Variants in EEF1A1 observed in about 807,000 individuals in gnomAD.
The protein encoded by EEF1A1 is elongation factor 1-alpha 1.
In EEF1A1, 1 loss-of-function variant was observed where a neutral mutation model predicts 38.5. The observed-to-expected ratio is 0.03, with a 90% CI of 0.01 to 0.12. The LOEUF is 0.12. Ranked by LOEUF, EEF1A1 falls within the 10% of genes least tolerant of loss-of-function variation. The pLI is 1.00. For missense variants in EEF1A1, 184 were observed against 588.3 expected, an observed-to-expected ratio of 0.31 and a Z score of 7.11; for synonymous variants, 229 against 203.7, an observed-to-expected ratio of 1.12 and a Z score of -1.06.
Position 73,518,777 on chromosome 6 carries a change from A to C in EEF1A1, c.693T>G (p.Ala231=). The change falls in exon 5 of 8, where the codon GCT becomes GCG. Residue 231 remains alanine, a synonymous_variant. Transcript: ENST00000309268. ...GNASGTTLLE[A]LDCILPPTRP... ...GAGTTGGTGGTAGGATGCAGTCCAG[A>C]GCCTCAAGCAGCGTGGTTCCACTGG... 6.2e-7 allele frequency: 1 copy of C among 1,614,198 alleles called. No individual in the cohort carries two copies. The highest frequency in any genetic ancestry group is 8.5e-7 in the Non-Finnish European group (1 of 1,180,042).
At position 73,517,259 on chromosome 6, in the gene EEF1A1, C is replaced by CA. The variant is rs137968211; in HGVS notation, c.*550dup. On this transcript the variant is annotated 3_prime_UTR_variant, in exon 8 of 8. Coordinates refer to ENST00000309268, the MANE Select transcript of EEF1A1 (RefSeq NM_001402.6). ...AAGCTTTCTATGCAACACAAGGACT[C>CA]AGTTTTTGGCCTGTTTTAGTGACAG... 7,187 of 152,144 alleles carry CA rather than the reference C, an allele frequency of 0.047. 394 individuals carry two copies. Among genetic ancestry groups the CA allele is most frequent in the Admixed American group, 0.16 (2,502 of 15,268 alleles). The allele number at this position is 152,144 out of a possible 1,614,324, so 9.4% of individuals were successfully genotyped here.
rs764218393 is a variant in EEF1A1 at position 73,517,902 on chromosome 6, C to T, written c.1297G>A (p.Val433Ile). 1 of 1,613,204 alleles carries T rather than the reference C, an allele frequency of 6.2e-7. No homozygotes were observed. Among genetic ancestry groups the T allele is most frequent in the Non-Finnish European group, 8.5e-7 (1 of 1,179,810 alleles). Residue 433 changes from valine (V) to isoleucine (I), a missense_variant, in exon 8 of 8, where the codon GTT becomes ATT. This residue lies in a region of EEF1A1 where 81 missense variants were observed against 286.3 expected (regional missense o/e 0.28). Coordinates refer to ENST00000309268, the MANE Select transcript of EEF1A1 (RefSeq NM_001402.6). ...ACTGCTTTGATGACACCCACCGCAA[C>T]TGTCTGTCTCATATCACGAACAGCA... Reference protein sequence around the residue: ...RFAVRDMRQTVAVGVIKAVDK... With the variant: ...RFAVRDMRQTIAVGVIKAVDK...
Position 73,518,860 on chromosome 6 carries a change from G to A in EEF1A1, c.622-12C>T, listed in dbSNP as rs763482096. ...TTGAACCAAGGCATCTGAAACACAA[G>A]CATGCCAATTTGTGTAAGCATGAAA... On this transcript the variant is annotated splice_polypyrimidine_tract_variant and intron_variant, in intron 4 of 7. Coordinates refer to ENST00000309268, the MANE Select transcript of EEF1A1 (RefSeq NM_001402.6). 2.5e-6 allele frequency: 4 copies of A among 1,613,086 alleles called. No homozygotes were observed. Among genetic ancestry groups the A allele is most frequent in the Non-Finnish European group, 3.4e-6 (4 of 1,179,136 alleles).
At chr6:73,520,270 G>A in intron 1 of EEF1A1, 1 of 453,102 alleles carries the variant, frequency 2.2e-6, no homozygotes, top group South Asian at 2.9e-5. Flanking sequence ...AGAACTAATC[G>A]AGGTGCCTGG....
chr6:73,520,391 C>T, intron 1 of EEF1A1: 1 of 179,754 alleles, frequency 5.6e-6, no homozygotes, highest in Non-Finnish European at 1.2e-5. Flanking sequence ...CCGCGTCCTC[C>T]ATTTTGAGCT....
intron 2 of EEF1A1, 55 bp from the exon 3 acceptor site, chr6:73,519,571 T>A: frequency 6.6e-7 from 1 of 1,523,146 alleles, no homozygotes; most frequent in Non-Finnish European, 8.8e-7. Context: ...CCAGCTTCAA[T>A]TTCCTTGTCC....
chr6:73,519,851 G>T, intron 2 of EEF1A1, 32 bp downstream of exon 2: 1 of 1,611,282 alleles, frequency 6.2e-7, no homozygotes, highest in African/African-American at 1.3e-5. Flanking sequence ...ACTCATTTTA[G>T]TTGATCTTTC....
chr6:73,518,646 G>C (rs1332201941), intron 5 of EEF1A1, 36 bp from the exon 6 acceptor site: 1 of 1,612,672 alleles, frequency 6.2e-7, no homozygotes, highest in Non-Finnish European at 8.5e-7. Context: ...TACCTATGAA[G>C]GCAGACAGTA....
rs769470673 is a variant in EEF1A1 at position 73,518,944 on chromosome 6, C to G, written c.609G>C (p.Glu203Asp). ...GAAAGCCACTTACGTTAGCACTTGG[C>G]TCCAGCATGTTGTCACCATTCCAAC... ...ISGWNGDNML[E>D]PSANMPWFKG... Residue 203 changes from glutamate to aspartate, a missense_variant, in exon 4 of 8, where the codon GAG becomes GAC. Glu to Asp is a conservative substitution (Grantham distance 45). Around this residue, in one of 3 missense-constraint regions of EEF1A1, gnomAD observed 46 missense variants for 73.9 expected, o/e 0.62. Transcript: ENST00000309268. 17 of 1,611,598 alleles carry G rather than the reference C, an allele frequency of 1.1e-5. No individual in the cohort carries two copies. In the South Asian group the frequency reaches 1.2e-4, roughly 11 times the overall value.
intron 1 of EEF1A1, 123 bp from the exon 2 acceptor site, chr6:73,520,179 T>C: frequency 1.1e-6 from 1 of 881,894 alleles, no homozygotes; most frequent in South Asian, 1.8e-5. Context: ...CTAACTTCAG[T>C]CTCCACCCAC....
At position 73,516,859 on chromosome 6, in the gene EEF1A1, A is replaced by AC. The variant is rs1428348488; in HGVS notation, c.*950dup. 3 of 152,202 alleles carry AC rather than the reference A, an allele frequency of 2.0e-5. No individual in the cohort carries two copies. The highest frequency in any genetic ancestry group is 7.2e-5 in the African/African-American group (3 of 41,452). 9.4% of individuals were successfully genotyped at this position (152,202 alleles called of 1,614,324 possible). A position where few individuals can be genotyped will look rare whatever the true frequency, so the allele number is the denominator to read the frequency against. On this transcript the variant is annotated 3_prime_UTR_variant, in exon 8 of 8. Coordinates refer to ENST00000309268, the MANE Select transcript of EEF1A1 (RefSeq NM_001402.6). ...TTACCATGTAGTTTCATTCCTAGTG[A>AC]CCAAGTAGACAAACTGCTAATTATC...
At chr6:73,518,657 C>T in intron 5 of EEF1A1, 41 bp downstream of exon 5, 1 of 1,612,988 alleles carries the variant, frequency 6.2e-7, no homozygotes, top group African/African-American at 1.3e-5. Context: ...GCAGACAGTA[C>T]TCTATCAACT....
At chr6:73,518,001 CT>C in intron 7 of EEF1A1, 28 bp downstream of exon 7, 1 of 1,610,484 alleles carries the variant, frequency 6.2e-7, no homozygotes, top group Non-Finnish European at 8.5e-7. Context: ...TTTAACACAA[CT>C]TTTTTACATT....
rs1360127428 is a variant in EEF1A1 at position 73,517,558 on chromosome 6, A to T, written c.*252T>A. On this transcript the variant is annotated 3_prime_UTR_variant, in exon 8 of 8. Transcript: ENST00000309268. ...TAATGGGTCTCAAAATTCTGTGACA[A>T]ATTTTTGGTCAAGTTGTTTCCATTA... 2.6e-6 allele frequency: 1 copy of T among 388,096 alleles called. No homozygotes were observed. Among genetic ancestry groups the T allele is most frequent in the Non-Finnish European group, 4.6e-6 (1 of 218,190 alleles). The allele number at this position is 388,096 out of a possible 1,614,324, so 24.0% of individuals were successfully genotyped here. A position where few individuals can be genotyped will look rare whatever the true frequency, so the allele number is the denominator to read the frequency against.
Position 73,517,947 on chromosome 6 carries a change from AAGTT to A in EEF1A1, c.1265-17_1265-14del. The A allele has an allele frequency of 1.9e-6, 3 of 1,613,908 alleles. No individual in the cohort carries two copies. Among genetic ancestry groups the A allele is most frequent in the Non-Finnish European group, 2.5e-6 (3 of 1,179,964 alleles). The stretch of plus-strand genomic sequence containing the variant: ...ACAGCAAAGCGACCTATTAAAAAAA[AAGTT>A]AATTATTACCCAAAGTACTGTTCAG... On this transcript the variant is annotated splice_polypyrimidine_tract_variant and intron_variant, in intron 7 of 7. Transcript: ENST00000309268.
Position 73,516,937 on chromosome 6 carries a change from A to T in EEF1A1, c.*873T>A, listed in dbSNP as rs979462905. On this transcript the variant is annotated 3_prime_UTR_variant, in exon 8 of 8. Transcript: ENST00000309268. ...GGAGAAAAGCAATGTAGATTAGTCTAATTTTATAGCTACTTCAAATTGCCA... is the reference window on the plus strand; with the variant it reads ...GGAGAAAAGCAATGTAGATTAGTCTTATTTTATAGCTACTTCAAATTGCCA... 1.3e-5 allele frequency: 2 copies of T among 152,224 alleles called. No individual in the cohort carries two copies. Among genetic ancestry groups the T allele is most frequent in the African/African-American group, 4.8e-5 (2 of 41,454 alleles). 9.4% of individuals were successfully genotyped at this position (152,224 alleles called of 1,614,324 possible).
rs766005085 is a variant in EEF1A1 at position 73,518,530 on chromosome 6, C to T, written c.853G>A (p.Val285Ile). ...TCGACAGATTTTACTTCCGTTGTAA[C>T]GTTGACTGGAGCAAAGGTGACCACC... ...GMVVTFAPVN[V>I]TTEVKSVEMH... The change falls in exon 6 of 8, where the codon GTT becomes ATT. Residue 285 changes from valine (V) to isoleucine (I), a missense_variant. By Grantham distance (29) the Val-to-Ile change is conservative (BLOSUM62 3). Coordinates refer to ENST00000309268, the MANE Select transcript of EEF1A1 (RefSeq NM_001402.6). 6.1e-5 allele frequency: 98 copies of T among 1,613,864 alleles called. No individual in the cohort carries two copies. Among genetic ancestry groups the T allele is most frequent in the Admixed American group, 5.7e-4 (34 of 59,982 alleles).
chr6:73,520,153 C>G, intron 1 of EEF1A1, 97 bp from the exon 2 acceptor site: 6 of 1,205,298 alleles, frequency 5.0e-6, no homozygotes, highest in Middle Eastern at 2.9e-4. Context: ...AGAATTACAT[C>G]AAGTGCCAAG....
Position 73,517,826 on chromosome 6 carries a change from G to C in EEF1A1, c.1373C>G (p.Ala458Gly). 1 of 1,572,300 alleles carries C rather than the reference G, an allele frequency of 6.4e-7. No homozygotes were observed. The highest frequency in any genetic ancestry group is 2.2e-5 in the East Asian group (1 of 44,530). ...GGATAATATTCATTTAGCCTTCTGA[G>C]CTTTCTGGGCAGACTTGGTGACCTT... The part of the protein sequence containing the change: ...AGKVTKSAQK[A>G]QKAK The change falls in exon 8 of 8, where the codon GCT (alanine) becomes GGT (glycine). Residue 458 changes from alanine (A) to glycine (G), a missense_variant. Around this residue, in one of 3 missense-constraint regions of EEF1A1, gnomAD observed 81 missense variants for 286.3 expected, o/e 0.28. Coordinates refer to ENST00000309268, the MANE Select transcript of EEF1A1 (RefSeq NM_001402.6).
Sources: gnomAD v4.1 joint callset for allele counts on GRCh38, gnomAD v4.1.1 for gene constraint, gnomAD v4.1.1 regional missense constraint, MANE v1.5 for transcripts, NCBI Gene and HGNC (gene_info 2026-07-23, HGNC 2026-07-21) for gene names.